OPCML: variants seen among roughly 807,000 people sequenced by gnomAD.
OPCML encodes the protein opioid binding protein/cell adhesion molecule like.
A neutral mutation model predicts 37.8 loss-of-function variants in OPCML; 13 were observed. The ratio of observed to expected loss-of-function variants is 0.34; its 90% CI spans 0.22 to 0.55. The LOEUF is 0.55. Among genes scored for constraint, OPCML ranks in the 20% least tolerant of loss-of-function variants. OPCML has a pLI of 0.91. For missense variants in OPCML, 341 were observed against 435.6 expected (o/e 0.78, Z 1.93); for synonymous variants, 176 against 168.8 (o/e 1.04, Z -0.33).
intron 1 of OPCML, among the ~76,000 whole-genome samples, chr11:133,161,725 A>G (rs1252840301): frequency 6.6e-6 from 1 of 152,246 alleles, no homozygotes; most frequent in African/African-American, 2.4e-5. Flanking sequence ...TGTATATATA[A>G]TCTTGAGTGG....
At position 133,173,620 on chromosome 11, in the gene OPCML, T is replaced by G. The variant is rs1950317918; in HGVS notation, c.62-230610A>C. ...AAATCACCCCCCAGATGCCTCTCAT[T>G]GCAAAAATTAGCAGTAACGCGATGA... On this transcript the variant is annotated intron_variant, in intron 1 of 7. Coordinates refer to ENST00000524381, the MANE Select transcript of OPCML (RefSeq NM_001012393.5). This position sits in a 1 kb window ranked among gnomAD's most constrained non-coding sequence, Gnocchi z 7.8. 6.6e-6 allele frequency among the ~76,000 whole-genome samples: 1 copy of G among 152,104 alleles called. No homozygotes were observed. Among genetic ancestry groups the G allele is most frequent in the African/African-American group, 2.4e-5 (1 of 41,414 alleles).
At chr11:133,272,608 T>C (rs1941882504) in intron 1 of OPCML, among the ~76,000 whole-genome samples, 1 of 152,122 alleles carries the variant, frequency 6.6e-6, no homozygotes, top group African/African-American at 2.4e-5. Flanking sequence ...GGGCAGGGTA[T>C]GAGGCAAGAG....
chr11:133,058,667 G>A (rs1274472189), intron 1 of OPCML, among the ~76,000 whole-genome samples: 3 of 152,198 alleles, frequency 2.0e-5, no homozygotes, highest in South Asian at 2.1e-4. Context: ...TAGTGAGCGC[G>A]GCTCCCCACG....
At chr11:132,883,878 T>A (rs1319404797) in intron 2 of OPCML, among the ~76,000 whole-genome samples, 2 of 152,230 alleles carry the variant, frequency 1.3e-5, no homozygotes, top group Admixed American at 1.3e-4. Flanking sequence ...CTGGATCTAC[T>A]GCACTTCAGT....
intron 1 of OPCML, among the ~76,000 whole-genome samples, chr11:133,344,235 G>A (rs558670593): frequency 6.6e-6 from 1 of 152,170 alleles, no homozygotes; most frequent in Admixed American, 6.5e-5. Context: ...GCCCCAGGTG[G>A]TATTTCTCCA....
intron 4 of OPCML, among the ~76,000 whole-genome samples, chr11:132,484,807 C>G (rs1295974913): frequency 1.3e-5 from 2 of 152,032 alleles, no homozygotes; most frequent in Admixed American, 6.6e-5. Flanking sequence ...TCTCAGTAAA[C>G]TATCGCAAGA....
intron 1 of OPCML, among the ~76,000 whole-genome samples, chr11:133,513,355 T>C (rs891664777): frequency 1.3e-5 from 2 of 152,208 alleles, no homozygotes; most frequent in Admixed American, 6.5e-5. Context: ...GCACTGCCAC[T>C]TTTCTCAACA....
intron 1 of OPCML, among the ~76,000 whole-genome samples, chr11:133,055,939 A>G (rs1048191782): frequency 2.7e-5 from 4 of 150,240 alleles, no homozygotes; most frequent in African/African-American, 9.9e-5. Context: ...TGATACTTCC[A>G]AGTGGTGAGA....
intron 1 of OPCML, among the ~76,000 whole-genome samples, chr11:133,369,140 C>T (rs1345686888): frequency 6.6e-6 from 1 of 152,248 alleles, no homozygotes; most frequent in Non-Finnish European, 1.5e-5. Context: ...ATTAGTCTGC[C>T]CTCTTATTTC....
intron 1 of OPCML, chr11:133,423,260 C>A: frequency 1.0e-6 from 1 of 985,330 alleles, no homozygotes; most frequent in Non-Finnish European, 1.2e-6. Flanking sequence ...TTATTCTTGT[C>A]TTCAGTTTTA....
chr11:132,818,660 A>ATATATATATATATATATATATATATAT (rs56858242), intron 2 of OPCML, among the ~76,000 whole-genome samples: 4,107 of 115,216 alleles, frequency 0.036, 221 homozygotes, highest in African/African-American at 0.041. Context: ...ATATATATAT[A>ATATATATATATATATATATATATATAT]GACAGATTAT....
rs571032206 is a variant in OPCML, at chr11:133,468,936, T to C, written c.61+63328A>G. 4.6e-5 allele frequency among the ~76,000 whole-genome samples: 7 copies of C among 152,232 alleles called. No homozygotes were observed. In the South Asian group the frequency reaches 1.5e-3, roughly 32 times the overall value. On this transcript the variant is annotated intron_variant, in intron 1 of 7. Transcript: ENST00000524381. The stretch of plus-strand genomic sequence containing the variant: ...AATCAGGAATATTCATTGTGAAGTA[T>C]AAGCACCATCCCACAGGGAAAAATG...
chr11:132,445,159 C>T (rs2096050601), intron 4 of OPCML, among the ~76,000 whole-genome samples: 1 of 152,186 alleles, frequency 6.6e-6, no homozygotes, highest in Non-Finnish European at 1.5e-5. Context: ...TGGCTAATCA[C>T]AAGATCAATG....
intron 4 of OPCML, among the ~76,000 whole-genome samples, chr11:132,461,311 C>T (rs1374341902): frequency 1.3e-5 from 2 of 151,900 alleles, no homozygotes; most frequent in Non-Finnish European, 2.9e-5. Context: ...GCTGAGTTGA[C>T]CACCAATGGC....
chr11:133,145,898 A>G (rs758860018), intron 1 of OPCML, among the ~76,000 whole-genome samples: 6 of 152,244 alleles, frequency 3.9e-5, no homozygotes, highest in Non-Finnish European at 8.8e-5. Flanking sequence ...GGAGAGTGTC[A>G]TTTAAAAAGT....
In OPCML at chr11:132,593,629, T is replaced by C. The variant is rs550621724; in HGVS notation, c.379+63458A>G. ...ATCAGGGGAGAGATCACTGAGATCA[T>C]TGTAGCACTAGACATGGGAGAGAAA... is the stretch of plus-strand genomic sequence containing the variant. On this transcript the variant is annotated intron_variant, in intron 3 of 7. Coordinates refer to ENST00000524381, the MANE Select transcript of OPCML (RefSeq NM_001012393.5). 1.5e-3 allele frequency among the ~76,000 whole-genome samples: 235 copies of C among 152,226 alleles called. 3 individuals carry two copies. In the South Asian group the frequency reaches 0.03, roughly 19 times the overall value.
intron 1 of OPCML, among the ~76,000 whole-genome samples, chr11:133,079,691 CAATTTCACAATTTGTGAATTGTG>C (rs1948678710): frequency 6.6e-6 from 1 of 152,096 alleles, no homozygotes; most frequent in South Asian, 2.1e-4. Flanking sequence ...CACAAATTCA[CAATTTCACAATTTGTGAATTGTG>C]AATTCACAAA....
At chr11:133,097,495 C>T (rs1437001274) in intron 1 of OPCML, among the ~76,000 whole-genome samples, 5 of 151,630 alleles carry the variant, frequency 3.3e-5, no homozygotes, top group African/African-American at 9.7e-5. Flanking sequence ...CAAAAGTAAG[C>T]AGAAGAAAAT....
intron 1 of OPCML, among the ~76,000 whole-genome samples, chr11:133,461,394 C>T (rs979767422): frequency 1.8e-4 from 28 of 151,832 alleles, no homozygotes; most frequent in African/African-American, 6.8e-4. Context: ...AGCAAAGTCG[C>T]AACATACAAA....
Sources: gnomAD v4.1 joint callset for allele counts (sites outside exome capture counted in the v4.1 genomes callset) on GRCh38, gnomAD v4.1.1 for gene constraint, Gnocchi (gnomAD v3.1) non-coding constraint, MANE v1.5 for transcripts, NCBI Gene and HGNC (gene_info 2026-07-23, HGNC 2026-07-21) for gene names.